The following SEC61A1 variants were observed in gnomAD, a reference collection of about 807,000 sequenced individuals.
The protein encoded by SEC61A1 is protein transport protein Sec61 subunit alpha isoform 1.
SEC61A1 carries 15 observed loss-of-function variants against 55.2 expected under a neutral mutation model. The ratio of observed to expected loss-of-function variants is 0.27; its 90% CI spans 0.18 to 0.42. The LOEUF (loss-of-function observed/expected upper bound fraction) is 0.42. SEC61A1 is among the 10% of genes least tolerant of loss of function. The pLI is 1.00. For synonymous variants in SEC61A1, 247 were observed against 234.0 expected (o/e 1.06, Z -0.51); for missense variants, 284 against 602.6 (o/e 0.47, Z 5.53).
At chr3:128,056,969 C>G in intron 5 of SEC61A1, 129 bp downstream of exon 5, 1 of 641,818 alleles carries the variant, frequency 1.6e-6, no homozygotes. Flanking sequence ...TGGAGTCTTA[C>G]TCTGTTGCCC....
chr3:128,067,728 C>T lies in SEC61A1; in HGVS notation c.1167+116C>T. 2 of 863,492 alleles carry T rather than the reference C, an allele frequency of 2.3e-6. No individual in the cohort carries two copies. The highest frequency in any genetic ancestry group is 3.4e-5 in the South Asian group (2 of 58,646). The allele number at this position is 863,492 out of a possible 1,614,324, so 53.5% of individuals were successfully genotyped here. ...GTGACGTGTGCAGATAGATCGTCGT[C>T]CTTTAGGGGGCAGTTCAGAAGCTTT... On this transcript the variant is annotated intron_variant, in intron 10 of 11. Coordinates refer to ENST00000243253, the MANE Select transcript of SEC61A1 (RefSeq NM_013336.4). The surrounding 1 kb of genome is among the most constrained non-coding windows in gnomAD (Gnocchi z 4.1).
intron 1 of SEC61A1, 100 bp downstream of exon 1, chr3:128,052,659 C>T (rs1025240347): frequency 1.3e-6 from 2 of 1,540,256 alleles, no homozygotes; most frequent in Non-Finnish European, 1.8e-6. Context: ...CTGACCGGCC[C>T]CCTGCAGAAC....
chr3:128,065,327 A>G, intron 8 of SEC61A1: 1 of 589,964 alleles, frequency 1.7e-6, no homozygotes, highest in Non-Finnish European at 3.0e-6. Flanking sequence ...TCTTAGTTCA[A>G]GAGAAGCAAA....
chr3:128,057,191 C>CA (rs1314074834), intron 5 of SEC61A1, among the ~76,000 whole-genome samples: 1 of 152,214 alleles, frequency 6.6e-6, no homozygotes, highest in African/African-American at 2.4e-5. Flanking sequence ...CTCGGCCTCC[C>CA]AAAGTGCTGG....
Position 128,060,069 on chromosome 3 carries a change from C to G in SEC61A1, c.353-33C>G. 2.7e-6 allele frequency: 4 copies of G among 1,487,480 alleles called. No individual in the cohort carries two copies. In the South Asian group the frequency reaches 4.5e-5, roughly 17 times the overall value. The allele number at this position is 1,487,480 out of a possible 1,614,324, so 92.1% of individuals were successfully genotyped here. ...GTTTCTTTTGTTCTGTGTAGTGACC[C>G]ACTTGGAAAACACTTCTTTCTTTCA... On this transcript the variant is annotated intron_variant, in intron 5 of 11. Coordinates refer to ENST00000243253, the MANE Select transcript of SEC61A1 (RefSeq NM_013336.4).
At position 128,068,028 on chromosome 3, in the gene SEC61A1, C is replaced by A. The variant is rs755246001; in HGVS notation, c.1213C>A (p.Arg405=). The change falls in exon 11 of 12, where the codon CGA becomes AGA. Residue 405 remains arginine, a synonymous_variant. Coordinates refer to ENST00000243253, the MANE Select transcript of SEC61A1 (RefSeq NM_013336.4). ...GCAGCAGATGGTGATGAGAGGCCAC[C>A]GAGAGACCTCCATGGTCCATGAACT... The part of the protein sequence containing the change: ...KEQQMVMRGH[R]ETSMVHELNR... 1 of 1,613,884 alleles carries A rather than the reference C, an allele frequency of 6.2e-7. No individual in the cohort carries two copies. Among genetic ancestry groups the A allele is most frequent in the South Asian group, 1.1e-5 (1 of 91,066 alleles).
intron 2 of SEC61A1, among the ~76,000 whole-genome samples, chr3:128,053,313 G>A (rs1941718345): frequency 6.6e-6 from 1 of 152,222 alleles, no homozygotes; most frequent in African/African-American, 2.4e-5. Context: ...CTAAAGGGAA[G>A]GGCTGTCACT....
Position 128,052,852 on chromosome 3 carries a change from A to T in SEC61A1, c.25A>T (p.Ile9Phe). Residue 9 changes from isoleucine (I) to phenylalanine (F), a missense_variant, in exon 2 of 12, where the codon ATC (isoleucine) becomes TTC (phenylalanine). Coordinates refer to ENST00000243253, the MANE Select transcript of SEC61A1 (RefSeq NM_013336.4). ...CATCAAAGTCAAATTTCTGGAAGTC[A>T]TCAAGCCCTTCTGTGTCATCCTGCC... MAIKFLEV[I>F]KPFCVILPEI... is the part of the protein sequence containing the mutation. 6.2e-7 allele frequency: 1 copy of T among 1,613,784 alleles called. No homozygotes were observed. Among genetic ancestry groups the T allele is most frequent in the Non-Finnish European group, 8.5e-7 (1 of 1,179,830 alleles).
rs991651994 is a variant in SEC61A1, at chr3:128,067,182, A to G, written c.975+31A>G. 3 of 1,591,958 alleles carry G rather than the reference A, an allele frequency of 1.9e-6. No homozygotes were observed. The highest frequency in any genetic ancestry group is 1.7e-6 in the Non-Finnish European group (2 of 1,159,960). The stretch of plus-strand genomic sequence containing the variant: ...TAGGCTCTTTGAAGATGAGCTAGCA[A>G]TGCAGCTAAGTTGCAGTGGTTTCTA... On this transcript the variant is annotated intron_variant, in intron 9 of 11. Coordinates refer to ENST00000243253, the MANE Select transcript of SEC61A1 (RefSeq NM_013336.4). The surrounding 1 kb of genome is among the most constrained non-coding windows in gnomAD (Gnocchi z 4.1).
At position 128,064,959 on chromosome 3, in the gene SEC61A1, G is replaced by A. The variant is rs780054083; in HGVS notation, c.699G>A (p.Ala233=). Residue 233 remains alanine, a synonymous_variant, in exon 8 of 12, where the codon GCG becomes GCA. Coordinates refer to ENST00000243253, the MANE Select transcript of SEC61A1 (RefSeq NM_013336.4). ...RTDKVRALRE[A]FYRQNLPNLM... ...ACAAGGTCCGAGCCCTTCGGGAGGCGTTCTACCGCCAGAATCTTCCCAACC... is the reference window on the plus strand; with the variant it reads ...ACAAGGTCCGAGCCCTTCGGGAGGCATTCTACCGCCAGAATCTTCCCAACC... The A allele has an allele frequency of 2.7e-5, 43 of 1,614,090 alleles. No individual in the cohort carries two copies. The highest frequency in any genetic ancestry group is 1.6e-4 in the Middle Eastern group (1 of 6,084).
chr3:128,061,166 C>T (rs1941845569), intron 7 of SEC61A1, among the ~76,000 whole-genome samples: 1 of 152,216 alleles, frequency 6.6e-6, no homozygotes, highest in Non-Finnish European at 1.5e-5. Flanking sequence ...CAAATCCTGG[C>T]TGTTCCTGTT....
chr3:128,061,790 C>T (rs976225155), intron 7 of SEC61A1, among the ~76,000 whole-genome samples: 16 of 152,176 alleles, frequency 1.1e-4, no homozygotes, highest in Admixed American at 9.8e-4. Context: ...TGTAGGAGTT[C>T]AGGTATTTGT....
intron 7 of SEC61A1, among the ~76,000 whole-genome samples, chr3:128,061,779 T>C (rs1459668310): frequency 6.6e-6 from 1 of 152,124 alleles, no homozygotes; most frequent in East Asian, 1.9e-4. Flanking sequence ...GGGGATGGCA[T>C]TGTAGGAGTT....
Position 128,071,090 on chromosome 3 carries a change from GGCCACC to G in SEC61A1, c.*1434_*1439del, listed in dbSNP as rs1001821029. On this transcript the variant is annotated 3_prime_UTR_variant, in exon 12 of 12. Transcript: ENST00000243253. Reference sequence around the variant, plus strand: ...GCACACGGCAGCCTGCAAAGCACAGGGCCACCGCCACAGCCCGGCAGAGGGGCACAC... The same window carrying G: ...GCACACGGCAGCCTGCAAAGCACAGGGCCACAGCCCGGCAGAGGGGCACAC... 3.3e-5 allele frequency: 5 copies of G among 152,374 alleles called. No individual in the cohort carries two copies. The highest frequency in any genetic ancestry group is 1.2e-4 in the African/African-American group (5 of 41,462). 9.4% of individuals were successfully genotyped at this position (152,374 alleles called of 1,614,324 possible). A position where few individuals can be genotyped will look rare whatever the true frequency, so the allele number is the denominator to read the frequency against.
chr3:128,055,494 A>C, intron 2 of SEC61A1, 22 bp from the exon 3 acceptor site: 1 of 1,587,910 alleles, frequency 6.3e-7, no homozygotes, highest in Non-Finnish European at 8.6e-7. Flanking sequence ...TCCCTGCTTC[A>C]ATTCATTCTC....
Position 128,055,549 on chromosome 3 carries a change from A to G in SEC61A1, c.109A>G (p.Ile37Val), listed in dbSNP as rs372248461. 1.3e-5 allele frequency: 21 copies of G among 1,613,612 alleles called. No individual in the cohort carries two copies. Among genetic ancestry groups the G allele is most frequent in the Non-Finnish European group, 1.6e-5 (19 of 1,179,604 alleles). The change falls in exon 3 of 12, where the codon ATC (isoleucine) becomes GTC (valine). Residue 37 changes from isoleucine to valine, a missense_variant. Transcript: ENST00000243253. ...QFKEKVLWTA[I>V]TLFIFLVCCQ... is the part of the protein sequence containing the mutation. ...TAAGGAGAAAGTGCTGTGGACCGCT[A>G]TCACCCTCTTTATCTTCTTAGTGTG...
In SEC61A1 at chr3:128,067,115, T is replaced by G. The variant is rs1387179429; in HGVS notation, c.939T>G (p.Ser313Arg). 1 of 1,614,246 alleles carries G rather than the reference T, an allele frequency of 6.2e-7. No individual in the cohort carries two copies. Among genetic ancestry groups the G allele is most frequent in the East Asian group, 2.2e-5 (1 of 44,886 alleles). The change falls in exon 9 of 12, where the codon AGT becomes AGG. Residue 313 changes from serine to arginine, a missense_variant. By Grantham distance (110) the Ser-to-Arg change is moderately radical. Coordinates refer to ENST00000243253, the MANE Select transcript of SEC61A1 (RefSeq NM_013336.4). This position sits in a 1 kb window ranked among gnomAD's most constrained non-coding sequence, Gnocchi z 4.1. ...CCCAAATGCTCTCAGCTCGCTTCAG[T>G]GGCAACTTGCTGGTCAGCCTGCTGG... ...VISQMLSARFSGNLLVSLLGT... is the reference protein window; with the variant it reads ...VISQMLSARFRGNLLVSLLGT...
intron 7 of SEC61A1, among the ~76,000 whole-genome samples, chr3:128,061,251 A>G (rs1941846951): frequency 6.6e-6 from 1 of 152,230 alleles, no homozygotes; most frequent in Admixed American, 6.5e-5. Flanking sequence ...GAGAAGCAAC[A>G]TGAAATTACA....
intron 5 of SEC61A1, among the ~76,000 whole-genome samples, chr3:128,059,444 G>A (rs1941822606): frequency 6.6e-6 from 1 of 151,050 alleles, no homozygotes; most frequent in African/African-American, 2.4e-5. Flanking sequence ...CCGTACTCCA[G>A]CCTGGGCGAC....
Sources: gnomAD v4.1 joint callset for allele counts (sites outside exome capture counted in the v4.1 genomes callset) on GRCh38, gnomAD v4.1.1 for gene constraint, Gnocchi (gnomAD v3.1) non-coding constraint, MANE v1.5 for transcripts, NCBI Gene and HGNC (gene_info 2026-07-23, HGNC 2026-07-21) for gene names.